Variants in AK9 observed in about 807,000 individuals in gnomAD.
AK9 encodes adenylate kinase 9, also known as adenylate kinase domain containing 1.
Under a neutral mutation model 239.6 loss-of-function variants are expected in AK9, and 191 were observed. The observed-to-expected ratio is 0.80, with a 90% confidence interval of 0.71 to 0.90. AK9 has a LOEUF of 0.90. Among genes scored for constraint, AK9 ranks in the 40% least tolerant of loss-of-function variants. The pLI is 0.00. For synonymous variants in AK9, 689 were observed against 721.0 expected (o/e 0.96, Z 0.71); for missense variants, 1,995 against 2,214.7 (o/e 0.90, Z 1.99).
At chr6:109,643,066 G>T (rs188860040) in intron 9 of AK9, among the ~76,000 whole-genome samples, 2 of 152,310 alleles carry the variant, frequency 1.3e-5, no homozygotes, top group Admixed American at 1.3e-4. Context: ...GAATTAGAGT[G>T]TGAAGTGAGG....
chr6:109,541,358 T>C (rs1294816085), intron 27 of AK9, among the ~76,000 whole-genome samples: 3 of 152,238 alleles, frequency 2.0e-5, no homozygotes, highest in Admixed American at 6.5e-5. Flanking sequence ...GTTTTACATC[T>C]TTTTAACTTT....
chr6:109,525,584 A>G (rs1780404394), intron 29 of AK9, among the ~76,000 whole-genome samples: 1 of 152,252 alleles, frequency 6.6e-6, no homozygotes, highest in Non-Finnish European at 1.5e-5. Flanking sequence ...CTCATTAGAG[A>G]AATGCAAATC....
In AK9 at chr6:109,526,676, C is replaced by T. The variant is rs117344389; in HGVS notation, c.3633+2335G>A. ...TTCTCAGGGCTTCCTGACACAGGTGCTCATTATCTAGATCCCAAATTTCTT... is the reference window on the plus strand; with the variant it reads ...TTCTCAGGGCTTCCTGACACAGGTGTTCATTATCTAGATCCCAAATTTCTT... On this transcript the variant is annotated intron_variant, in intron 29 of 40. Coordinates refer to ENST00000424296, the MANE Select transcript of AK9 (RefSeq NM_001145128.3). Among the ~76,000 whole-genome samples the T allele has an allele frequency of 7.9e-4, 120 of 152,278 alleles. No homozygotes were observed. The East Asian group carries it at 0.018, about 23-fold the overall frequency.
intron 24 of AK9, among the ~76,000 whole-genome samples, chr6:109,557,042 A>G (rs893077553): frequency 4.6e-5 from 7 of 151,910 alleles, no homozygotes; most frequent in African/African-American, 1.5e-4. Context: ...AAACACTGCA[A>G]TCATTTGGAG....
chr6:109,625,484 G>A (rs1795405781), intron 12 of AK9, among the ~76,000 whole-genome samples: 1 of 152,234 alleles, frequency 6.6e-6, no homozygotes, highest in Admixed American at 6.5e-5. Context: ...GGGCACTGCA[G>A]GAGGTGAGCG....
intron 17 of AK9, among the ~76,000 whole-genome samples, chr6:109,599,497 G>A (rs1454410890): frequency 6.6e-6 from 1 of 152,230 alleles, no homozygotes; most frequent in African/African-American, 2.4e-5. Flanking sequence ...ATAGTTTGAA[G>A]TCAGGTAGCA....
chr6:109,514,134 C>G, intron 32 of AK9, 90 bp downstream of exon 32: 2 of 1,219,994 alleles, frequency 1.6e-6, no homozygotes, highest in East Asian at 5.1e-5. Context: ...CTGCTGCAAC[C>G]CAGTGTCTTG....
rs1437154165 is a variant in AK9 at position 109,586,064 on chromosome 6, T to C, written c.1851A>G (p.Glu617=). The C allele has an allele frequency of 4.3e-5, 67 of 1,550,046 alleles. No individual in the cohort carries two copies. Among genetic ancestry groups the C allele is most frequent in the Non-Finnish European group, 5.6e-5 (64 of 1,146,538 alleles). ...CACCAGGAAACCTATCCTTGTTTTC[T>C]TCCATTACCTGTGAAAAATTGTACA... ...ILQEVLGEVM[E]ENKDRFPGAP... is the part of the protein sequence containing the mutation. Residue 617 remains glutamate, a synonymous_variant, in exon 18 of 41, where the codon GAA becomes GAG. Coordinates refer to ENST00000424296, the MANE Select transcript of AK9 (RefSeq NM_001145128.3).
chr6:109,493,355 A>G lies in AK9; in HGVS notation c.*14T>C, dbSNP rs141315808. On this transcript the variant is annotated 3_prime_UTR_variant, in exon 41 of 41. Transcript: ENST00000424296. ...GATAACTCTTGAGATTCAGGCTGCT[A>G]TCACCTAAGTAAACTACCCATTAAT... The G allele has an allele frequency of 5.1e-3, 8,207 of 1,606,012 alleles. 30 individuals carry two copies. The highest frequency in any genetic ancestry group is 5.3e-3 in the Non-Finnish European group (6,239 of 1,173,224).
intron 29 of AK9, among the ~76,000 whole-genome samples, chr6:109,525,187 T>G: frequency 6.6e-6 from 1 of 152,206 alleles, no homozygotes; most frequent in East Asian, 1.9e-4. Context: ...GTGTGCAGCT[T>G]TATTTCTGAG....
At chr6:109,613,780 A>G (rs1245749244) in intron 15 of AK9, among the ~76,000 whole-genome samples, 1 of 151,778 alleles carries the variant, frequency 6.6e-6, no homozygotes, top group Admixed American at 6.6e-5. Context: ...TCAAATATGA[A>G]TAGAAAAATT....
intron 21 of AK9, among the ~76,000 whole-genome samples, chr6:109,572,151 C>T (rs1214497750): frequency 6.6e-6 from 1 of 152,130 alleles, no homozygotes; most frequent in East Asian, 1.9e-4. Flanking sequence ...TTACTTATTT[C>T]TTGGGTGAAA....
At chr6:109,518,912 C>A (rs1779541400) in intron 29 of AK9, among the ~76,000 whole-genome samples, 1 of 151,934 alleles carries the variant, frequency 6.6e-6, no homozygotes, top group Non-Finnish European at 1.5e-5. Context: ...GATTGTGTCA[C>A]CCGGATAGTC....
chr6:109,657,019 G>A lies in AK9; in HGVS notation c.631-135C>T, dbSNP rs573960741. 143 of 1,017,812 alleles carry A rather than the reference G, an allele frequency of 1.4e-4. No homozygotes were observed. In the East Asian group the frequency reaches 3.7e-3, roughly 26 times the overall value. The allele number at this position is 1,017,812 out of a possible 1,614,324, so 63.0% of individuals were successfully genotyped here. ...GGGGAGGGGACGATTAAAGATTAAGGATTTTTATTTAAGAGAATGGAAGAC... is the reference window on the plus strand; with the variant it reads ...GGGGAGGGGACGATTAAAGATTAAGAATTTTTATTTAAGAGAATGGAAGAC... On this transcript the variant is annotated intron_variant, in intron 7 of 40. Transcript: ENST00000424296.
In AK9 at chr6:109,523,196, T is replaced by TA. The variant is rs1338480974; in HGVS notation, c.3633+5814dup. On this transcript the variant is annotated intron_variant, in intron 29 of 40. Coordinates refer to ENST00000424296, the MANE Select transcript of AK9 (RefSeq NM_001145128.3). The stretch of plus-strand genomic sequence containing the variant: ...CACACCTGTAGTACAATGTTGATTT[T>TA]AAAAAAATCCTAAAAATATCCTAAA... 2.6e-5 allele frequency among the ~76,000 whole-genome samples: 4 copies of TA among 152,110 alleles called. No individual in the cohort carries two copies. In the East Asian group the frequency reaches 5.8e-4, roughly 22 times the overall value.
intron 35 of AK9, among the ~76,000 whole-genome samples, chr6:109,504,928 C>T (rs909209065): frequency 2.6e-5 from 4 of 152,170 alleles, no homozygotes; most frequent in African/African-American, 9.7e-5. Context: ...TTCTAGGGAA[C>T]CCAGTCTAAG....
At chr6:109,517,007 C>G (rs562135263) in intron 29 of AK9, among the ~76,000 whole-genome samples, 1 of 152,044 alleles carries the variant, frequency 6.6e-6, no homozygotes, top group Non-Finnish European at 1.5e-5. Flanking sequence ...ATTGGTGAAG[C>G]CTCTGTGCTT....
intron 1 of AK9, among the ~76,000 whole-genome samples, chr6:109,677,929 G>A (rs550473031): frequency 1.3e-5 from 2 of 152,304 alleles, no homozygotes; most frequent in African/African-American, 2.4e-5. Flanking sequence ...AGATGTTGGT[G>A]AGGATGCAGA....
intron 33 of AK9, among the ~76,000 whole-genome samples, chr6:109,508,069 GC>G (rs1778298427): frequency 6.6e-6 from 1 of 152,210 alleles, no homozygotes; most frequent in Admixed American, 6.5e-5. Flanking sequence ...TCTGGGGGCT[GC>G]CCGATTTGTG....
Sources: allele counts gnomAD v4.1 joint callset (sites outside exome capture counted in the v4.1 genomes callset), GRCh38; gene constraint gnomAD v4.1.1; transcripts MANE v1.5; gene names NCBI Gene and HGNC (gene_info 2026-07-23, HGNC 2026-07-21).